The following NECAB1 variants were observed in gnomAD, a reference collection of about 807,000 sequenced individuals.
NECAB1 encodes the protein N-terminal EF-hand calcium binding protein 1, also known as N-terminal EF-hand calcium-binding protein 1.
Under a neutral mutation model 57.5 loss-of-function variants are expected in NECAB1, and 29 were observed. The ratio of observed to expected loss-of-function variants is 0.50; its 90% confidence interval spans 0.38 to 0.69. The LOEUF (loss-of-function observed/expected upper bound fraction) is 0.69, where lower values mean the gene tolerates loss of function less well. Among genes scored for constraint, NECAB1 ranks in the 30% least tolerant of loss-of-function variants. The pLI, the probability that NECAB1 is intolerant of heterozygous loss-of-function variation, is 0.00. For missense variants in NECAB1, 372 were observed against 413.8 expected, an observed-to-expected ratio of 0.90 and a Z score of 0.88; for synonymous variants, 142 against 147.7, an observed-to-expected ratio of 0.96 and a Z score of 0.28.
At chr8:90,878,947 T>G (rs759724537) in intron 4 of NECAB1, among the ~76,000 whole-genome samples, 1 of 146,610 alleles carries the variant, frequency 6.8e-6, no homozygotes, top group Non-Finnish European at 1.5e-5. Context: ...TATTTTCTTA[T>G]TTATCTTCTA....
At chr8:90,799,491 A>G (rs1279015873) in intron 1 of NECAB1, among the ~76,000 whole-genome samples, 2 of 152,120 alleles carry the variant, frequency 1.3e-5, no homozygotes, top group African/African-American at 4.8e-5. Context: ...TGTCTATAGT[A>G]TTAGATAGTG....
chr8:90,886,313 CTA>C (rs1309555922), intron 5 of NECAB1, among the ~76,000 whole-genome samples: 1 of 151,508 alleles, frequency 6.6e-6, no homozygotes, highest in Non-Finnish European at 1.5e-5. Context: ...AAATAGGTAA[CTA>C]TACTATTTCT....
intron 5 of NECAB1, among the ~76,000 whole-genome samples, chr8:90,909,548 C>CTT (rs1809776644): frequency 6.6e-6 from 1 of 152,038 alleles, no homozygotes; most frequent in African/African-American, 2.4e-5. Flanking sequence ...ACCGTTTATA[C>CTT]TTAAAAGACA....
intron 5 of NECAB1, among the ~76,000 whole-genome samples, chr8:90,882,960 TGAAA>T (rs1484446173): frequency 1.3e-5 from 2 of 152,188 alleles, no homozygotes; most frequent in African/African-American, 4.8e-5. Context: ...CTTTTGCTCC[TGAAA>T]GAAAAATTGC....
intron 3 of NECAB1, among the ~76,000 whole-genome samples, chr8:90,828,788 TG>T (rs974157982): frequency 3.9e-5 from 6 of 152,038 alleles, no homozygotes; most frequent in African/African-American, 1.4e-4. Flanking sequence ...TTTCTGTTGA[TG>T]GTACTTGGGA....
intron 12 of NECAB1, among the ~76,000 whole-genome samples, chr8:90,954,582 T>C (rs1411919892): frequency 2.6e-5 from 4 of 152,198 alleles, no homozygotes; most frequent in Non-Finnish European, 5.9e-5. Context: ...ATTTATCTGT[T>C]TCTTACAGCA....
chr8:90,869,502 G>A (rs1012617086), intron 3 of NECAB1, among the ~76,000 whole-genome samples: 1 of 152,212 alleles, frequency 6.6e-6, no homozygotes, highest in East Asian at 1.9e-4. Flanking sequence ...GCCTTGGGAG[G>A]CCACCCCTCA....
chr8:90,872,528 T>C (rs1282320507), intron 4 of NECAB1: 1 of 159,432 alleles, frequency 6.3e-6, no homozygotes, highest in Admixed American at 6.5e-5. Flanking sequence ...GCTCTCTTCT[T>C]GAAATGTAAA....
intron 6 of NECAB1, among the ~76,000 whole-genome samples, chr8:90,921,008 C>T (rs1200794779): frequency 1.3e-5 from 2 of 152,074 alleles, no homozygotes; most frequent in Non-Finnish European, 2.9e-5. Context: ...CAAAAATTCA[C>T]CAGTTTTTTG....
At chr8:90,804,659 A>G (rs775686491) in intron 2 of NECAB1, among the ~76,000 whole-genome samples, 1 of 152,200 alleles carries the variant, frequency 6.6e-6, no homozygotes, top group Non-Finnish European at 1.5e-5. Context: ...TATGATAACA[A>G]TTAAAATAAA....
chr8:90,890,866 A>T (rs940750758), intron 5 of NECAB1, among the ~76,000 whole-genome samples: 1 of 152,210 alleles, frequency 6.6e-6, no homozygotes, highest in Admixed American at 6.5e-5. Flanking sequence ...AAAATGGGTA[A>T]TTTAGGACTA....
chr8:90,918,204 G>T (rs1810024320), intron 6 of NECAB1, among the ~76,000 whole-genome samples: 1 of 151,210 alleles, frequency 6.6e-6, no homozygotes, highest in South Asian at 2.1e-4. Flanking sequence ...AAGAGACGGG[G>T]TTTCACTATG....
chr8:90,892,641 T>A (rs1258382335), intron 5 of NECAB1, among the ~76,000 whole-genome samples: 1 of 152,200 alleles, frequency 6.6e-6, no homozygotes, highest in Admixed American at 6.5e-5. Flanking sequence ...TTAATGTTGG[T>A]CACGTCCATC....
At chr8:90,834,330 G>A (rs960916281) in intron 3 of NECAB1, among the ~76,000 whole-genome samples, 4 of 151,936 alleles carry the variant, frequency 2.6e-5, no homozygotes, top group African/African-American at 9.7e-5. Flanking sequence ...TGTGTTTCTT[G>A]GAAATTTATA....
At chr8:90,875,547 G>A (rs1411896945) in intron 4 of NECAB1, among the ~76,000 whole-genome samples, 11 of 146,456 alleles carry the variant, frequency 7.5e-5, no homozygotes, top group African/African-American at 1.8e-4. Context: ...ACAGATGAGC[G>A]AAGAATAATT....
At chr8:90,881,296 A>C (rs1015677196) in intron 5 of NECAB1, among the ~76,000 whole-genome samples, 166 bp downstream of exon 5, 3 of 152,228 alleles carry the variant, frequency 2.0e-5, no homozygotes, top group African/African-American at 7.2e-5. Flanking sequence ...AATTATAAAC[A>C]CTATATGCTA....
chr8:90,922,879 C>G (rs1263131609), intron 6 of NECAB1, among the ~76,000 whole-genome samples: 1 of 152,102 alleles, frequency 6.6e-6, no homozygotes, highest in African/African-American at 2.4e-5. Context: ...TTCTTTTGCT[C>G]TCTCTCTAAA....
chr8:90,912,791 G>A (rs1340773561), intron 5 of NECAB1, among the ~76,000 whole-genome samples: 1 of 152,186 alleles, frequency 6.6e-6, no homozygotes, highest in Non-Finnish European at 1.5e-5. Flanking sequence ...GTGGGACATA[G>A]ATAATGTGTG....
chr8:90,870,119 C>T lies in NECAB1; in HGVS notation c.234-2009C>T, dbSNP rs185432659. Among the ~76,000 whole-genome samples, 335 of 152,262 alleles carry T rather than the reference C, an allele frequency of 2.2e-3. 1 individual carries two copies. Among genetic ancestry groups the T allele is most frequent in the African/African-American group, 7.4e-3 (306 of 41,556 alleles). ...CCACCATGTAAGAGGTGTTCACTTC[C>T]CCTTTGCCTTCTGCCACGATTGTAA... is the stretch of plus-strand genomic sequence containing the variant. On this transcript the variant is annotated intron_variant, in intron 3 of 12. Coordinates refer to ENST00000417640, the MANE Select transcript of NECAB1 (RefSeq NM_022351.5).
Sources: gnomAD v4.1 joint callset for allele counts (sites outside exome capture counted in the v4.1 genomes callset) on GRCh38, gnomAD v4.1.1 for gene constraint, MANE v1.5 for transcripts, NCBI Gene and HGNC (gene_info 2026-07-23, HGNC 2026-07-21) for gene names.